HDAC8: variants seen among roughly 807,000 people sequenced by gnomAD.
The protein encoded by HDAC8 is histone deacetylase-like 1.
Under a neutral mutation model 32.2 loss-of-function variants are expected in HDAC8, and 1 was observed. The observed-to-expected ratio is 0.03, with a 90% CI of 0.01 to 0.15. The LOEUF (loss-of-function observed/expected upper bound fraction) is 0.15. HDAC8 is among the 10% of genes least tolerant of loss of function. The pLI is 1.00. For synonymous variants in HDAC8, 108 were observed against 113.9 expected (o/e 0.95, Z 0.33); for missense variants, 117 against 300.0 (o/e 0.39, Z 4.51).
intron 9 of HDAC8, 113 bp downstream of exon 9, chrX:72,461,891 T>C (rs2047877126): frequency 5.9e-6 from 3 of 510,463 alleles, no homozygotes; most frequent in East Asian, 3.4e-5. Flanking sequence ...GTTATTGTTA[T>C]TGAAGTGTCT....
At chrX:72,458,170 G>A (rs1417448801) in intron 9 of HDAC8, among the ~76,000 whole-genome samples, 1 of 112,319 alleles carries the variant, frequency 8.9e-6, no homozygotes, top group East Asian at 2.8e-4. Flanking sequence ...CCCTATGGTA[G>A]AGATATCTGG....
chrX:72,535,333 T>C (rs1270884292), intron 4 of HDAC8, among the ~76,000 whole-genome samples: 1 of 111,931 alleles, frequency 8.9e-6, no homozygotes, highest in African/African-American at 3.2e-5. Context: ...ATAGAAATCA[T>C]GATGGCTTTC....
rs201527658 is a variant in HDAC8 at position 72,338,138 on chromosome X, GTTTC to G, written c.1112-8066_1112-8063del. ...CGCACAGAAAACATCTTGTGTGTTTGTTTCTTTATTTGCTCGCTGTTGGCTTCCT... is the reference window on the plus strand; with the variant it reads ...CGCACAGAAAACATCTTGTGTGTTTGTTTATTTGCTCGCTGTTGGCTTCCT... On this transcript the variant is annotated intron_variant, in intron 10 of 10. Transcript: ENST00000373573. Among the ~76,000 whole-genome samples, 1,011 of 111,744 alleles carry G rather than the reference GTTTC, an allele frequency of 9.0e-3. 13 individuals carry two copies. Among genetic ancestry groups the G allele is most frequent in the African/African-American group, 0.031 (951 of 30,725 alleles).
chrX:72,461,339 C>T (rs2047862775), intron 9 of HDAC8, among the ~76,000 whole-genome samples: 1 of 111,933 alleles, frequency 8.9e-6, no homozygotes, highest in Non-Finnish European at 1.9e-5. Flanking sequence ...AGCACACTCA[C>T]AGGTCCCAGA....
intron 9 of HDAC8, among the ~76,000 whole-genome samples, chrX:72,449,510 G>A (rs782555338): frequency 5.5e-5 from 6 of 110,089 alleles, no homozygotes; most frequent in Non-Finnish European, 9.5e-5. Flanking sequence ...AACCACCATG[G>A]CACGTGTACA....
intron 10 of HDAC8, among the ~76,000 whole-genome samples, chrX:72,338,219 C>G (rs940846333): frequency 8.9e-6 from 1 of 111,886 alleles, no homozygotes; most frequent in Non-Finnish European, 1.9e-5. Context: ...GGTCATTACT[C>G]TACTGTTAGC....
intron 9 of HDAC8, among the ~76,000 whole-genome samples, chrX:72,371,790 C>G (rs188713910): frequency 1.8e-5 from 2 of 111,971 alleles, no homozygotes; most frequent in East Asian, 5.6e-4. Flanking sequence ...CCTATGAATG[C>G]AGGCAATCCA....
chrX:72,374,019 C>T (rs1467866225), intron 9 of HDAC8, among the ~76,000 whole-genome samples: 2 of 111,375 alleles, frequency 1.8e-5, no homozygotes, highest in Non-Finnish European at 3.8e-5. Context: ...CTATGTGTAT[C>T]CTTTGCCCAT....
chrX:72,435,483 C>A (rs1490193396), intron 9 of HDAC8, among the ~76,000 whole-genome samples: 8 of 111,193 alleles, frequency 7.2e-5, no homozygotes, highest in South Asian at 3.8e-4. Context: ...TTAAGGCAGC[C>A]ATCATGAAAG....
intron 9 of HDAC8, among the ~76,000 whole-genome samples, chrX:72,377,367 C>A (rs2045113469): frequency 4.5e-5 from 5 of 111,757 alleles, no homozygotes; most frequent in African/African-American, 1.3e-4. Context: ...ATGTTCTGTC[C>A]TAGAAAATGT....
Position 72,393,399 on chromosome X carries a change from A to G in HDAC8, c.1006-41561T>C, listed in dbSNP as rs2045665249. On this transcript the variant is annotated intron_variant, in intron 9 of 10. Transcript: ENST00000373573. Reference sequence around the variant, plus strand: ...ATGAGGAAAAACTGGTGTTACTGATAGCGTGAACAAACCCTTTGTGCTTTC... The same window carrying G: ...ATGAGGAAAAACTGGTGTTACTGATGGCGTGAACAAACCCTTTGTGCTTTC... Among the ~76,000 whole-genome samples the G allele has an allele frequency of 1.8e-5, 2 of 112,283 alleles. 1 individual carries two copies. Among genetic ancestry groups the G allele is most frequent in the South Asian group, 7.5e-4 (2 of 2,680 alleles).
At chrX:72,530,786 T>A (rs979719481) in intron 4 of HDAC8, among the ~76,000 whole-genome samples, 6 of 112,096 alleles carry the variant, frequency 5.4e-5, no homozygotes, top group African/African-American at 1.6e-4. Context: ...CTTAGTACAT[T>A]CAGTGGATAC....
intron 2 of HDAC8, among the ~76,000 whole-genome samples, chrX:72,570,896 C>T (rs1000351583): frequency 3.6e-5 from 4 of 111,412 alleles, no homozygotes; most frequent in East Asian, 5.6e-4. Flanking sequence ...TGAGTTCTGG[C>T]GCAGTCTTGG....
In HDAC8 at chrX:72,554,433, C is replaced by T. The variant is rs1021147227; in HGVS notation, c.437+13456G>A. Among the ~76,000 whole-genome samples, 3 of 103,861 alleles carry T rather than the reference C, an allele frequency of 2.9e-5. No homozygotes were observed. The South Asian group carries it at 1.3e-3, about 47-fold the overall frequency. 90.2% of individuals were successfully genotyped at this position (103,861 alleles called of 115,157 possible). The stretch of plus-strand genomic sequence containing the variant: ...GGAGGCTCATGGTCTGGGGCAAGTT[C>T]TCAGCCCTGGTCACTGGCTGCCTGG... On this transcript the variant is annotated intron_variant, in intron 4 of 10. Coordinates refer to ENST00000373573, the MANE Select transcript of HDAC8 (RefSeq NM_018486.3).
chrX:72,478,817 C>T (rs1199561307), intron 7 of HDAC8, among the ~76,000 whole-genome samples: 1 of 109,615 alleles, frequency 9.1e-6, no homozygotes, highest in Non-Finnish European at 1.9e-5. Context: ...CCACCAAGCC[C>T]AGCTAATTTT....
intron 8 of HDAC8, 63 bp from the exon 9 acceptor site, chrX:72,462,161 G>A: frequency 2.3e-6 from 2 of 861,403 alleles, no homozygotes; most frequent in Non-Finnish European, 3.4e-6. Context: ...GAGAGGGAAG[G>A]GGGGTAAGGA....
intron 4 of HDAC8, among the ~76,000 whole-genome samples, chrX:72,499,472 A>G (rs1056166234): frequency 2.7e-5 from 3 of 112,131 alleles, no homozygotes; most frequent in African/African-American, 9.7e-5. Context: ...AGAAGTCAAG[A>G]CTGAGAAAAT....
chrX:72,437,745 G>A (rs2147967080), intron 9 of HDAC8, among the ~76,000 whole-genome samples: 1 of 112,040 alleles, frequency 8.9e-6, no homozygotes, highest in African/African-American at 3.2e-5. Context: ...ACTGGGTGGA[G>A]ACCACCACAG....
chrX:72,410,739 A>G (rs1418499028), intron 9 of HDAC8, among the ~76,000 whole-genome samples: 1 of 111,815 alleles, frequency 8.9e-6, no homozygotes, highest in Non-Finnish European at 1.9e-5. Flanking sequence ...GGATTAGCCT[A>G]TATAGTGGTC....
Sources: gnomAD v4.1 joint callset for allele counts (sites outside exome capture counted in the v4.1 genomes callset) on GRCh38, gnomAD v4.1.1 for gene constraint, MANE v1.5 for transcripts, NCBI Gene and HGNC (gene_info 2026-07-23, HGNC 2026-07-21) for gene names.